Variants in ZNF618 observed in about 807,000 individuals in gnomAD.
ZNF618 encodes neural precursor cell expressed, developmentally down-regulated 10.
ZNF618 carries 34 observed loss-of-function variants against 103.0 expected under a neutral mutation model. The ratio of observed to expected loss-of-function variants is 0.33; its 90% CI spans 0.25 to 0.44. The LOEUF is 0.44. Ranked by LOEUF, ZNF618 falls within the 20% of genes least tolerant of loss-of-function variation. The probability of loss-of-function intolerance (pLI) is 1.00; values close to 1 mark genes in which losing one functional copy is unlikely to be tolerated. For synonymous variants in ZNF618, 551 were observed against 542.2 expected (o/e 1.02, Z -0.23); for missense variants, 1,059 against 1,295.4 (o/e 0.82, Z 2.80).
chr9:114,003,145 C>T (rs1841409510), intron 6 of ZNF618, among the ~76,000 whole-genome samples: 1 of 152,226 alleles, frequency 6.6e-6, no homozygotes, highest in African/African-American at 2.4e-5. Context: ...GCCAGGGGCA[C>T]TAATTGCTTA....
chr9:113,880,413 G>C (rs1349976027), intron 1 of ZNF618, among the ~76,000 whole-genome samples: 1 of 152,028 alleles, frequency 6.6e-6, no homozygotes, highest in Non-Finnish European at 1.5e-5. Flanking sequence ...TAATAAATAG[G>C]TTTCATTTCT....
At chr9:114,025,030 C>T (rs1000649783) in intron 10 of ZNF618, among the ~76,000 whole-genome samples, 2 of 152,162 alleles carry the variant, frequency 1.3e-5, no homozygotes, top group African/African-American at 4.8e-5. Context: ...GGGCTCACAT[C>T]ATGTTTTCTC....
chr9:114,018,964 G>T (rs1842854740), intron 10 of ZNF618, among the ~76,000 whole-genome samples: 1 of 152,202 alleles, frequency 6.6e-6, no homozygotes, highest in Admixed American at 6.5e-5. Flanking sequence ...TGGACTTCTT[G>T]TGGAGGCAGG....
intron 2 of ZNF618, among the ~76,000 whole-genome samples, chr9:113,974,869 T>G (rs1397299875): frequency 6.6e-6 from 1 of 152,186 alleles, no homozygotes; most frequent in African/African-American, 2.4e-5. Flanking sequence ...GCCCATTGCC[T>G]GATTGTGTGA....
At chr9:114,006,064 G>A (rs1026363904) in intron 6 of ZNF618, among the ~76,000 whole-genome samples, 15 of 152,374 alleles carry the variant, frequency 9.8e-5, no homozygotes, top group African/African-American at 3.6e-4. Flanking sequence ...ATACGAAGAG[G>A]TGAAGCTGGT....
At chr9:113,877,532 T>C (rs938810056) in intron 1 of ZNF618, among the ~76,000 whole-genome samples, 5 of 152,124 alleles carry the variant, frequency 3.3e-5, no homozygotes, top group South Asian at 2.1e-4. Flanking sequence ...GTAGTTTTTT[T>C]TTTTTAATTT....
chr9:113,986,350 C>G (rs1249317752), intron 2 of ZNF618, among the ~76,000 whole-genome samples: 1 of 152,250 alleles, frequency 6.6e-6, no homozygotes, highest in Non-Finnish European at 1.5e-5. Flanking sequence ...TTCCGTCCAT[C>G]TGAGTCCTGG....
At chr9:114,033,833 G>C (rs1264637074) in intron 12 of ZNF618, among the ~76,000 whole-genome samples, 2 of 115,284 alleles carry the variant, frequency 1.7e-5, no homozygotes, top group African/African-American at 8.8e-5. Context: ...CCTGTGCCAG[G>C]CACTGGGCTG....
chr9:113,921,891 G>GTT (rs200460369), intron 1 of ZNF618, among the ~76,000 whole-genome samples: 1 of 150,948 alleles, frequency 6.6e-6, no homozygotes, highest in Non-Finnish European at 1.5e-5. Context: ...TGTAGGGAGG[G>GTT]TTTTTTTTTC....
chr9:113,948,338 A>T (rs1165410354), intron 1 of ZNF618, among the ~76,000 whole-genome samples: 3 of 152,176 alleles, frequency 2.0e-5, no homozygotes, highest in Non-Finnish European at 2.9e-5. Flanking sequence ...CAGAAGGCGG[A>T]ATAGGGCAGG....
intron 1 of ZNF618, among the ~76,000 whole-genome samples, chr9:113,908,371 A>G (rs1831184967): frequency 6.6e-6 from 1 of 152,206 alleles, no homozygotes; most frequent in South Asian, 2.1e-4. Context: ...GGAGGACCAT[A>G]TTATGACTTT....
chr9:114,032,746 C>T lies in ZNF618; in HGVS notation c.1168+18C>T, dbSNP rs759183496. 6.2e-7 allele frequency: 1 copy of T among 1,612,790 alleles called. No homozygotes were observed. Among genetic ancestry groups the T allele is most frequent in the Non-Finnish European group, 8.5e-7 (1 of 1,178,770 alleles). On this transcript the variant is annotated intron_variant, in intron 12 of 14. Transcript: ENST00000374126. ...CTCCAGCGGTGAGTGTGCCCCTTGA[C>T]AGCCATCCTGTGCGGTAGCTGCCAG...
intron 6 of ZNF618, among the ~76,000 whole-genome samples, chr9:114,006,519 G>A (rs754291218): frequency 1.3e-4 from 20 of 152,216 alleles, no homozygotes; most frequent in Non-Finnish European, 2.5e-4. Context: ...TCCAGCCTCA[G>A]CCTCAGATGT....
chr9:114,027,140 A>G (rs1259535060), intron 10 of ZNF618, among the ~76,000 whole-genome samples: 1 of 152,196 alleles, frequency 6.6e-6, no homozygotes, highest in Non-Finnish European at 1.5e-5. Context: ...TGAGACAAGC[A>G]ATCACCTGGT....
chr9:113,947,508 C>T (rs923152237), intron 1 of ZNF618, among the ~76,000 whole-genome samples: 2 of 152,190 alleles, frequency 1.3e-5, no homozygotes, highest in African/African-American at 4.8e-5. Context: ...TCCCCAAAGT[C>T]CTGCACAGGG....
At chr9:114,002,908 C>T (rs776537720) in intron 6 of ZNF618, among the ~76,000 whole-genome samples, 3 of 152,364 alleles carry the variant, frequency 2.0e-5, no homozygotes, top group Non-Finnish European at 4.4e-5. Context: ...CTGTCCATGA[C>T]GACTTCTCTG....
intron 3 of ZNF618, among the ~76,000 whole-genome samples, chr9:113,996,032 G>A (rs919060880): frequency 8.5e-5 from 13 of 152,124 alleles, no homozygotes; most frequent in Non-Finnish European, 1.2e-4. Context: ...TTAAGGCTGT[G>A]TGGACCTACT....
chr9:114,003,093 TG>T (rs1195330644), intron 6 of ZNF618, among the ~76,000 whole-genome samples: 1 of 152,232 alleles, frequency 6.6e-6, no homozygotes, highest in East Asian at 1.9e-4. Flanking sequence ...AGTTGACTTT[TG>T]GGAAATGCTG....
At chr9:114,007,536 C>T (rs1841859653) in intron 7 of ZNF618, 97 bp downstream of exon 7, 7 of 1,222,576 alleles carry the variant, frequency 5.7e-6, no homozygotes, top group Non-Finnish European at 8.0e-6. Flanking sequence ...CTCCCTCTTA[C>T]CCAGAAAAAG....
Sources: gnomAD v4.1 joint callset for allele counts (sites outside exome capture counted in the v4.1 genomes callset) on GRCh38, gnomAD v4.1.1 for gene constraint, MANE v1.5 for transcripts, NCBI Gene and HGNC (gene_info 2026-07-23, HGNC 2026-07-21) for gene names.